Variants in GGACT observed in about 807,000 individuals in gnomAD.
The protein encoded by GGACT is gamma-glutamylamine cyclotransferase, also known as gamma-glutamylaminecyclotransferase.
For synonymous variants in GGACT, 118 were observed against 115.3 expected (o/e 1.02, Z -0.15); for missense variants, 241 against 233.2 (o/e 1.03, Z -0.22).
rs1442942955 is a variant in GGACT, at chr13:100,532,357, C to G, written c.235G>C (p.Asp79His). ...AGGGCCGGGCAACTCTCGAAGTCAT[C>G]CAGAAAGCGCAGCATCCGCTCGTCT... ...AVDERMLRFL[D>H]DFESCPALYQ... The change falls in exon 3 of 3, where the codon GAT becomes CAT. Residue 79 changes from aspartate (D) to histidine (H), a missense_variant. Coordinates refer to ENST00000683975, the MANE Select transcript of GGACT (RefSeq NM_001195087.2). 1 of 1,550,650 alleles carries G rather than the reference C, an allele frequency of 6.4e-7. No homozygotes were observed. Among genetic ancestry groups the G allele is most frequent in the South Asian group, 1.2e-5 (1 of 84,050 alleles).
intron 2 of GGACT, 113 bp downstream of exon 2, chr13:100,583,712 T>G (rs1875485126): frequency 6.6e-6 from 1 of 152,216 alleles, no homozygotes; most frequent in African/African-American, 2.4e-5. Flanking sequence ...ACTACTATTC[T>G]TAAATGACAA....
intron 2 of GGACT, among the ~76,000 whole-genome samples, chr13:100,559,433 C>T (rs2088738331): frequency 6.7e-6 from 1 of 150,080 alleles, no homozygotes; most frequent in African/African-American, 2.5e-5. Flanking sequence ...GTGATCTACC[C>T]CCCTCGGCCT....
Position 100,532,407 on chromosome 13 carries a change from A to C in GGACT, c.185T>G (p.Leu62Arg), listed in dbSNP as rs1177624315. The change falls in exon 3 of 3, where the codon CTC becomes CGC. Residue 62 changes from leucine (L) to arginine (R), a missense_variant. Coordinates refer to ENST00000683975, the MANE Select transcript of GGACT (RefSeq NM_001195087.2). ...TACCGCGTAGACCTCGCCCTCCACGAGGCGCCCCGAGCCGGGCAGGTGCAG... is the reference window on the plus strand; with the variant it reads ...TACCGCGTAGACCTCGCCCTCCACGCGGCGCCCCGAGCCGGGCAGGTGCAG... ...WLLHLPGSGRLVEGEVYAVDE... is the reference protein window; with the variant it reads ...WLLHLPGSGRRVEGEVYAVDE... 6 of 1,550,090 alleles carry C rather than the reference A, an allele frequency of 3.9e-6. No homozygotes were observed. The South Asian group carries it at 5.9e-5, about 15-fold the overall frequency.
intron 2 of GGACT, among the ~76,000 whole-genome samples, chr13:100,569,329 G>A (rs1875007036): frequency 6.6e-6 from 1 of 152,232 alleles, no homozygotes; most frequent in Non-Finnish European, 1.5e-5. Context: ...CTGAAATCTA[G>A]GCAGAGGTTC....
At chr13:100,547,483 A>G (rs1180406049) in intron 2 of GGACT, among the ~76,000 whole-genome samples, 1 of 152,202 alleles carries the variant, frequency 6.6e-6, no homozygotes, top group Non-Finnish European at 1.5e-5. Context: ...TAATCTAAAA[A>G]CAAGACTGAA....
At chr13:100,563,094 A>G (rs576168466) in intron 2 of GGACT, among the ~76,000 whole-genome samples, 1 of 152,314 alleles carries the variant, frequency 6.6e-6, no homozygotes, top group South Asian at 2.1e-4. Context: ...GAACTGTGAG[A>G]AAGTTCTGTT....
At chr13:100,553,421 T>C (rs1425102856) in intron 2 of GGACT, among the ~76,000 whole-genome samples, 1 of 152,070 alleles carries the variant, frequency 6.6e-6, no homozygotes, top group Admixed American at 6.5e-5. Flanking sequence ...CAGTCAACTG[T>C]GGTATACCTG....
Position 100,530,984 on chromosome 13 carries a change from A to C in GGACT, c.*1146T>G, listed in dbSNP as rs1378899902. ...AAGCAAGTTTCCAATTAAGCAAAAG[A>C]AGCTAAAAATAATGATCATGTTTTT... On this transcript the variant is annotated 3_prime_UTR_variant, in exon 3 of 3. Transcript: ENST00000683975. The C allele has an allele frequency of 1.3e-5, 2 of 152,268 alleles. No individual in the cohort carries two copies. The highest frequency in any genetic ancestry group is 2.4e-5 in the African/African-American group (1 of 41,458). The allele number at this position is 152,268 out of a possible 1,614,324, so 9.4% of individuals were successfully genotyped here. A position where few individuals can be genotyped will look rare whatever the true frequency, so the allele number is the denominator to read the frequency against.
intron 2 of GGACT, among the ~76,000 whole-genome samples, chr13:100,572,281 A>G (rs1010911271): frequency 2.0e-5 from 3 of 152,240 alleles, no homozygotes; most frequent in Non-Finnish European, 4.4e-5. Flanking sequence ...ATGCGAAGCA[A>G]AATAAGCCAG....
At position 100,546,587 on chromosome 13, in the gene GGACT, G is replaced by GA. The variant is rs201962707; in HGVS notation, c.-10-13987dup. 2.1e-3 allele frequency among the ~76,000 whole-genome samples: 318 copies of GA among 152,206 alleles called. 8 individuals are homozygous for GA. The East Asian group carries it at 0.039, about 18-fold the overall frequency. On this transcript the variant is annotated intron_variant, in intron 2 of 2. Coordinates refer to ENST00000683975, the MANE Select transcript of GGACT (RefSeq NM_001195087.2). ...GCATTTTGGGAGGCTGAGGTGGGGGGATCGCTTGAGCCCAGGAAGTCAAGG... is the reference window on the plus strand; with the variant it reads ...GCATTTTGGGAGGCTGAGGTGGGGGGAATCGCTTGAGCCCAGGAAGTCAAGG...
chr13:100,532,308 A>G lies in GGACT; in HGVS notation c.284T>C (p.Val95Ala). ...PALYQRTVLRVQLLEDRAPGA... is the reference protein window; with the variant it reads ...PALYQRTVLRAQLLEDRAPGA... ...CGGGGCCCGGTCCTCCAGCAGCTGT[A>G]CCCGCAGCACCGTGCGCTGGTACAG... The change falls in exon 3 of 3, where the codon GTA (valine) becomes GCA (alanine). Residue 95 changes from valine (V) to alanine (A), a missense_variant. Val to Ala is a moderately conservative substitution (Grantham distance 64). Transcript: ENST00000683975. 1 of 1,545,568 alleles carries G rather than the reference A, an allele frequency of 6.5e-7. No individual in the cohort carries two copies. Among genetic ancestry groups the G allele is most frequent in the Non-Finnish European group, 8.7e-7 (1 of 1,142,974 alleles).
At chr13:100,585,954 T>C (rs1166908543) in intron 1 of GGACT, among the ~76,000 whole-genome samples, 1 of 151,218 alleles carries the variant, frequency 6.6e-6, no homozygotes, top group African/African-American at 2.4e-5. Flanking sequence ...CAGTGAGCCA[T>C]GATCTCAGCA....
chr13:100,579,945 C>T (rs553229552), intron 2 of GGACT: 91 of 152,382 alleles, frequency 6.0e-4, no homozygotes, highest in African/African-American at 1.9e-3. Flanking sequence ...TTCTGAGCAC[C>T]GTTCTGCTGA....
At chr13:100,575,785 AT>A (rs1175210283) in intron 2 of GGACT, among the ~76,000 whole-genome samples, 1 of 152,164 alleles carries the variant, frequency 6.6e-6, no homozygotes, top group Non-Finnish European at 1.5e-5. Flanking sequence ...AAACACTACA[AT>A]GGTGTTTGCT....
chr13:100,577,134 T>C (rs943549396), intron 2 of GGACT, among the ~76,000 whole-genome samples: 1 of 152,092 alleles, frequency 6.6e-6, no homozygotes, highest in African/African-American at 2.4e-5. Context: ...TTTAGAAAAA[T>C]AGGCCGGGCA....
intron 2 of GGACT, among the ~76,000 whole-genome samples, chr13:100,571,199 A>T (rs1875072632): frequency 6.6e-6 from 1 of 152,234 alleles, no homozygotes; most frequent in Non-Finnish European, 1.5e-5. Flanking sequence ...GAACTGGCAC[A>T]TGAGAAGCAC....
intron 2 of GGACT, among the ~76,000 whole-genome samples, chr13:100,570,186 T>A (rs937652470): frequency 2.0e-5 from 3 of 152,198 alleles, no homozygotes; most frequent in Admixed American, 2.0e-4. Flanking sequence ...TTTTTGGGTA[T>A]CCTTATAGCA....
chr13:100,571,021 A>G (rs1313215291), intron 2 of GGACT, among the ~76,000 whole-genome samples: 1 of 152,162 alleles, frequency 6.6e-6, no homozygotes, highest in Non-Finnish European at 1.5e-5. Flanking sequence ...GAGCTGTGTG[A>G]AAACACAGTG....
intron 2 of GGACT, among the ~76,000 whole-genome samples, chr13:100,559,821 C>G (rs758036541): frequency 6.6e-6 from 1 of 152,190 alleles, no homozygotes; most frequent in Non-Finnish European, 1.5e-5. Context: ...AAAAAGAAAT[C>G]TAGCTGTTAA....
Sources: gnomAD v4.1 joint callset for allele counts (sites outside exome capture counted in the v4.1 genomes callset) on GRCh38, gnomAD v4.1.1 for gene constraint, MANE v1.5 for transcripts, NCBI Gene and HGNC (gene_info 2026-07-23, HGNC 2026-07-21) for gene names.